The following CPED1 variants were observed in gnomAD, a reference collection of about 807,000 sequenced individuals.
CPED1 encodes the protein cadherin like and PC-esterase domain containing 1.
Under a neutral mutation model 128.2 loss-of-function variants are expected in CPED1, and 114 were observed. That is an observed-to-expected ratio of 0.89 (90% CI 0.76 to 1.04). The LOEUF is 1.04. CPED1 is among the 50% of genes least tolerant of loss of function. The probability of loss-of-function intolerance (pLI) is 0.00; values close to 1 mark genes in which losing one functional copy is unlikely to be tolerated. For missense variants in CPED1, 1,211 were observed against 1,207.1 expected, an observed-to-expected ratio of 1.00 and a Z score of -0.05; for synonymous variants, 462 against 426.7, an observed-to-expected ratio of 1.08 and a Z score of -1.02.
intron 18 of CPED1, among the ~76,000 whole-genome samples, chr7:121,247,412 G>A (rs573119100): frequency 3.4e-4 from 52 of 152,316 alleles, no homozygotes; most frequent in Admixed American, 6.5e-4. Flanking sequence ...AAGAGGGCCA[G>A]TGACATAGCC....
intron 3 of CPED1, among the ~76,000 whole-genome samples, chr7:121,025,250 A>T (rs1014051877): frequency 3.3e-5 from 5 of 151,640 alleles, no homozygotes; most frequent in Admixed American, 2.6e-4. Context: ...AAAAGTAGAA[A>T]TTTTTTCTTA....
intron 12 of CPED1, 51 bp from the exon 13 acceptor site, chr7:121,133,772 C>T (rs376487460): frequency 2.8e-5 from 33 of 1,199,860 alleles, no homozygotes; most frequent in African/African-American, 1.2e-4. Flanking sequence ...GTAATTTCCA[C>T]GCGTTTTGTT....
intron 22 of CPED1, 48 bp downstream of exon 22, chr7:121,271,478 T>C: frequency 6.4e-7 from 1 of 1,552,988 alleles, no homozygotes; most frequent in Non-Finnish European, 8.8e-7. Context: ...TCTTTTAAAA[T>C]TGTTTGTTGT....
At chr7:121,041,612 T>C (rs1336727578) in intron 3 of CPED1, among the ~76,000 whole-genome samples, 3 of 151,918 alleles carry the variant, frequency 2.0e-5, no homozygotes, top group African/African-American at 7.3e-5. Flanking sequence ...GCGAAGGAGG[T>C]CATTTGTGAG....
chr7:121,129,034 G>A (rs1262050475), intron 11 of CPED1, among the ~76,000 whole-genome samples: 1 of 151,548 alleles, frequency 6.6e-6, no homozygotes, highest in Non-Finnish European at 1.5e-5. Flanking sequence ...TATCTTCTAT[G>A]TATTTTGTTA....
At chr7:121,237,820 C>T (rs750219318) in intron 17 of CPED1, among the ~76,000 whole-genome samples, 1 of 152,040 alleles carries the variant, frequency 6.6e-6, no homozygotes, top group Non-Finnish European at 1.5e-5. Context: ...CAATTTGGCA[C>T]GCACAGTTAA....
chr7:121,117,084 T>TATATATATATATATATATATAA (rs1795263473), intron 7 of CPED1, among the ~76,000 whole-genome samples: 2 of 143,226 alleles, frequency 1.4e-5, no homozygotes, highest in African/African-American at 5.2e-5. Context: ...ACATTATATA[T>TATATATATATATATATATATAA]ATATATATAT....
intron 5 of CPED1, among the ~76,000 whole-genome samples, chr7:121,078,658 T>C (rs1400493732): frequency 1.3e-5 from 2 of 152,162 alleles, no homozygotes; most frequent in African/African-American, 2.4e-5. Context: ...ATGGAGAAGA[T>C]GGCTGCCAGG....
intron 16 of CPED1, among the ~76,000 whole-genome samples, chr7:121,172,686 A>G (rs1308329764): frequency 6.6e-6 from 1 of 151,942 alleles, no homozygotes; most frequent in Non-Finnish European, 1.5e-5. Context: ...AGATAGATAG[A>G]TAGATAGATA....
intron 16 of CPED1, among the ~76,000 whole-genome samples, chr7:121,181,777 A>G (rs1385851142): frequency 6.6e-6 from 1 of 152,170 alleles, no homozygotes; most frequent in Admixed American, 6.6e-5. Flanking sequence ...TAAGAAAAAT[A>G]AAACAACACA....
intron 4 of CPED1, among the ~76,000 whole-genome samples, chr7:121,063,811 G>C (rs1793749251): frequency 6.6e-6 from 1 of 152,036 alleles, no homozygotes; most frequent in East Asian, 1.9e-4. Flanking sequence ...GAAGTTTTGT[G>C]GGTGACTGGG....
intron 5 of CPED1, among the ~76,000 whole-genome samples, chr7:121,074,336 A>T (rs981658651): frequency 3.3e-5 from 5 of 152,056 alleles, no homozygotes. Context: ...TAGCCAAAAG[A>T]CTGGCAGCTG....
At chr7:121,194,625 A>G (rs1797228928) in intron 16 of CPED1, among the ~76,000 whole-genome samples, 1 of 152,164 alleles carries the variant, frequency 6.6e-6, no homozygotes, top group African/African-American at 2.4e-5. Flanking sequence ...AAAATGTAAT[A>G]TGATGTGAAG....
At chr7:121,175,443 G>A (rs1372177223) in intron 16 of CPED1, among the ~76,000 whole-genome samples, 1 of 152,060 alleles carries the variant, frequency 6.6e-6, no homozygotes, top group Non-Finnish European at 1.5e-5. Flanking sequence ...ACTAGATATT[G>A]AAGGAACATA....
In CPED1 at chr7:121,295,522, G is replaced by T. The variant is rs751114279; in HGVS notation, c.2951G>T (p.Ser984Ile). 4 of 1,614,002 alleles carry T rather than the reference G, an allele frequency of 2.5e-6. No homozygotes were observed. The South Asian group carries it at 4.4e-5, about 18-fold the overall frequency. Residue 984 changes from serine (S) to isoleucine (I), a missense_variant, in exon 23 of 23, where the codon AGC becomes ATC. Transcript: ENST00000310396. ...AATCATATCATGGGAAGATATTTCA[G>T]CAATCAAAGCAAACTACAACAAGGC... ...SRNHIMGRYF[S>I]NQSKLQQGTV...
chr7:121,142,312 G>A (rs1795924282), intron 16 of CPED1, among the ~76,000 whole-genome samples, 171 bp downstream of exon 16: 1 of 152,016 alleles, frequency 6.6e-6, no homozygotes, highest in Non-Finnish European at 1.5e-5. Flanking sequence ...ACCTCGTTGT[G>A]AGTGATTTTC....
intron 22 of CPED1, among the ~76,000 whole-genome samples, chr7:121,292,805 G>A (rs1263662241): frequency 6.6e-6 from 1 of 152,158 alleles, no homozygotes; most frequent in Non-Finnish European, 1.5e-5. Flanking sequence ...GAGTTTGCTA[G>A]AGGTCCACCC....
chr7:121,284,332 T>C (rs892656605), intron 22 of CPED1, among the ~76,000 whole-genome samples: 1 of 152,120 alleles, frequency 6.6e-6, no homozygotes, highest in Non-Finnish European at 1.5e-5. Context: ...GAGATTTGGG[T>C]GGGGACACAG....
intron 1 of CPED1, 155 bp from the exon 2 acceptor site, chr7:120,989,236 C>T: frequency 4.9e-6 from 1 of 202,222 alleles, no homozygotes; most frequent in South Asian, 8.2e-5. Context: ...ATTGTTTTCT[C>T]TCTTCCTGCA....
Sources: gnomAD v4.1 joint callset for allele counts (sites outside exome capture counted in the v4.1 genomes callset) on GRCh38, gnomAD v4.1.1 for gene constraint, MANE v1.5 for transcripts, NCBI Gene and HGNC (gene_info 2026-07-23, HGNC 2026-07-21) for gene names.